The following LRRC74A variants were observed in gnomAD, a reference collection of about 807,000 sequenced individuals.
The protein encoded by LRRC74A is leucine-rich repeat-containing protein 74A.
Under a neutral mutation model 57.9 loss-of-function variants are expected in LRRC74A, and 44 were observed. The observed-to-expected ratio is 0.76, with a 90% CI of 0.60 to 0.98. The LOEUF is 0.98. Ranked by LOEUF, LRRC74A falls within the 50% of genes least tolerant of loss-of-function variation. LRRC74A has a pLI of 0.00. For missense variants in LRRC74A, 572 were observed against 574.0 expected, an observed-to-expected ratio of 1.00 and a Z score of 0.04; for synonymous variants, 211 against 219.4, an observed-to-expected ratio of 0.96 and a Z score of 0.34.
chr14:76,847,071 G>A (rs970552280), intron 7 of LRRC74A, among the ~76,000 whole-genome samples: 1 of 152,156 alleles, frequency 6.6e-6, no homozygotes, highest in Non-Finnish European at 1.5e-5. Flanking sequence ...GGAGTCTGAG[G>A]AGTGGTCAGT....
At chr14:76,834,873 G>A (rs573115817) in intron 3 of LRRC74A, among the ~76,000 whole-genome samples, 1 of 152,306 alleles carries the variant, frequency 6.6e-6, no homozygotes, top group Non-Finnish European at 1.5e-5. Flanking sequence ...ATTGAATTTT[G>A]CTCAGCCCAG....
At chr14:76,860,560 G>T in intron 10 of LRRC74A, 133 bp from the exon 11 acceptor site, 1 of 779,730 alleles carries the variant, frequency 1.3e-6, no homozygotes. Context: ...CAGTCCAGGA[G>T]CAGCACTGAG....
rs182318233 is a variant in LRRC74A at position 76,870,059 on chromosome 14, C to T, written c.1392-66C>T. On this transcript the variant is annotated intron_variant, in intron 13 of 13. Coordinates refer to ENST00000689127, the MANE Select transcript of LRRC74A (RefSeq NM_001385106.1). ...TCCTTTGGATTTAAGCCTGTCTTAA[C>T]ATTCTCACCCATCAGCCATGAGGCT... The T allele has an allele frequency of 7.7e-6, 12 of 1,548,486 alleles. No individual in the cohort carries two copies. In the East Asian group the frequency reaches 2.8e-4, roughly 36 times the overall value.
intron 10 of LRRC74A, among the ~76,000 whole-genome samples, chr14:76,860,422 T>C (rs1046842529): frequency 1.3e-5 from 2 of 152,198 alleles, no homozygotes; most frequent in Non-Finnish European, 2.9e-5. Flanking sequence ...CAGATGCAGA[T>C]GCCATTTGAG....
intron 3 of LRRC74A, among the ~76,000 whole-genome samples, chr14:76,834,537 G>A (rs987711441): frequency 5.9e-5 from 9 of 152,186 alleles, no homozygotes; most frequent in Admixed American, 2.6e-4. Context: ...AGCAGGCATC[G>A]TATTTCATCC....
At chr14:76,852,504 C>T in intron 8 of LRRC74A, 54 bp downstream of exon 8, 7 of 1,376,902 alleles carry the variant, frequency 5.1e-6, no homozygotes, top group Non-Finnish European at 6.1e-6. Context: ...CAGCCAGGGC[C>T]TCCCATCCTG....
intron 11 of LRRC74A, among the ~76,000 whole-genome samples, chr14:76,865,557 C>T (rs939836372): frequency 3.9e-5 from 6 of 152,190 alleles, no homozygotes; most frequent in South Asian, 2.1e-4. Context: ...AACATCCGCG[C>T]GCCATCCACA....
chr14:76,837,136 T>C (rs963559031), intron 4 of LRRC74A, among the ~76,000 whole-genome samples: 1 of 152,084 alleles, frequency 6.6e-6, no homozygotes, highest in Admixed American at 6.6e-5. Flanking sequence ...AGTGAGACTC[T>C]GTTTCAAAAA....
intron 11 of LRRC74A, among the ~76,000 whole-genome samples, chr14:76,864,220 AC>A (rs1898564615): frequency 6.6e-6 from 1 of 152,096 alleles, no homozygotes; most frequent in African/African-American, 2.4e-5. Flanking sequence ...AGGATGGAGA[AC>A]TGGAAATGTA....
chr14:76,864,439 G>T (rs1451857266), intron 11 of LRRC74A, among the ~76,000 whole-genome samples: 1 of 137,110 alleles, frequency 7.3e-6, no homozygotes, highest in Non-Finnish European at 1.6e-5. Context: ...GGGGGAAGGG[G>T]GGTGGCGGGG....
At chr14:76,867,835 G>C (rs1052223087) in intron 13 of LRRC74A, among the ~76,000 whole-genome samples, 1 of 152,206 alleles carries the variant, frequency 6.6e-6, no homozygotes, top group Non-Finnish European at 1.5e-5. Context: ...AGGCGGCAAT[G>C]TTTCAGCCGA....
At chr14:76,833,731 C>T (rs1896129373) in intron 3 of LRRC74A, among the ~76,000 whole-genome samples, 1 of 152,114 alleles carries the variant, frequency 6.6e-6, no homozygotes, top group Non-Finnish European at 1.5e-5. Flanking sequence ...GCATGAGCCA[C>T]CATGCCCTGG....
intron 3 of LRRC74A, among the ~76,000 whole-genome samples, chr14:76,835,548 T>C (rs538976249): frequency 3.1e-4 from 47 of 151,440 alleles, no homozygotes; most frequent in African/African-American, 1.1e-3. Context: ...AAGATTTATA[T>C]GTCCAATTCC....
chr14:76,852,482 C>T (rs1177661597), intron 8 of LRRC74A, 32 bp downstream of exon 8: 1 of 1,520,110 alleles, frequency 6.6e-7, no homozygotes, highest in South Asian at 1.2e-5. Flanking sequence ...ATGTGTGGAG[C>T]CCAGTTGAGG....
chr14:76,843,867 A>G (rs1896943373), intron 5 of LRRC74A, among the ~76,000 whole-genome samples: 1 of 150,756 alleles, frequency 6.6e-6, no homozygotes, highest in Non-Finnish European at 1.5e-5. Flanking sequence ...ATCATGCCTA[A>G]TTTTTGTATT....
intron 11 of LRRC74A, among the ~76,000 whole-genome samples, chr14:76,861,891 G>T (rs527797835): frequency 4.4e-3 from 673 of 152,330 alleles, no homozygotes; most frequent in South Asian, 7.7e-3. Context: ...TGCCCCCAGT[G>T]GGTCTGCTCT....
chr14:76,829,931 A>G (rs1201857934), intron 2 of LRRC74A, among the ~76,000 whole-genome samples: 1 of 152,134 alleles, frequency 6.6e-6, no homozygotes, highest in Non-Finnish European at 1.5e-5. Context: ...GTTTTTCTCC[A>G]CAACAGTGGT....
At chr14:76,854,281 A>G (rs1897727468) in intron 9 of LRRC74A, among the ~76,000 whole-genome samples, 1 of 152,156 alleles carries the variant, frequency 6.6e-6, no homozygotes, top group South Asian at 2.1e-4. Flanking sequence ...CTCGCCTGTC[A>G]TCCCCTCAAA....
rs779519626 is a variant in LRRC74A at position 76,860,756 on chromosome 14, CT to C, written c.1118del (p.Leu373ArgfsTer20). 1.4e-5 allele frequency: 23 copies of C among 1,611,468 alleles called. No homozygotes were observed. In the African/African-American group the frequency reaches 3.1e-4, roughly 22 times the overall value. On this transcript the variant is annotated frameshift_variant, in exon 11 of 14. Transcript: ENST00000689127. LOFTEE classifies it high-confidence loss of function. ...LDGVYAVHPQ[L>X]DVVFKAVQGL... ...CGGAGTGTATGCCGTTCACCCGCAG[CT>C]GGACGTGGTATTCAAGGCAGTACAA... is the stretch of plus-strand genomic sequence containing the variant.
Sources: allele counts gnomAD v4.1 joint callset (sites outside exome capture counted in the v4.1 genomes callset), GRCh38; gene constraint gnomAD v4.1.1; transcripts MANE v1.5; gene names NCBI Gene and HGNC (gene_info 2026-07-23, HGNC 2026-07-21).